Variants in MAP3K7 observed in about 807,000 individuals in gnomAD.
MAP3K7 encodes the protein TGF-beta activated kinase 1.
MAP3K7 carries 21 observed loss-of-function variants against 84.8 expected under a neutral mutation model. The ratio of observed to expected loss-of-function variants is 0.25; its 90% CI spans 0.18 to 0.36. The LOEUF (loss-of-function observed/expected upper bound fraction) is 0.36. Among genes scored for constraint, MAP3K7 ranks in the 10% least tolerant of loss-of-function variants. The probability of loss-of-function intolerance (pLI) is 1.00; values close to 1 mark genes in which losing one functional copy is unlikely to be tolerated. For synonymous variants in MAP3K7, 241 were observed against 247.7 expected, an observed-to-expected ratio of 0.97 and a Z score of 0.25; for missense variants, 503 against 747.7, an observed-to-expected ratio of 0.67 and a Z score of 3.82.
At chr6:90,561,713 T>C in intron 3 of MAP3K7, 46 bp from the exon 4 acceptor site, 2 of 1,315,766 alleles carry the variant, frequency 1.5e-6, no homozygotes, top group Middle Eastern at 1.9e-4. Context: ...AGCTCCATCA[T>C]CTTAGGGCCT....
intron 6 of MAP3K7, among the ~76,000 whole-genome samples, chr6:90,553,979 C>T (rs2080157201): frequency 6.6e-6 from 1 of 152,166 alleles, no homozygotes; most frequent in Non-Finnish European, 1.5e-5. Context: ...ACACTCTCAT[C>T]CAGGCTGGAG....
At chr6:90,580,857 T>C (rs1373016680) in intron 1 of MAP3K7, among the ~76,000 whole-genome samples, 1 of 152,260 alleles carries the variant, frequency 6.6e-6, no homozygotes, top group Non-Finnish European at 1.5e-5. Flanking sequence ...TCTAAATTTA[T>C]GAATGTTTTC....
At chr6:90,538,271 G>GT (rs1039448554) in intron 12 of MAP3K7, among the ~76,000 whole-genome samples, 1 of 151,904 alleles carries the variant, frequency 6.6e-6, no homozygotes, top group African/African-American at 2.4e-5. Flanking sequence ...AAATATGAAT[G>GT]TAAGAAAAAT....
chr6:90,547,183 T>C (rs1776027971), intron 11 of MAP3K7, 75 bp downstream of exon 11: 5 of 1,545,526 alleles, frequency 3.2e-6, no homozygotes, highest in Non-Finnish European at 4.4e-6. Flanking sequence ...ACAAAAAACC[T>C]TTGACAACTG....
rs745452796 is a variant in MAP3K7 at position 90,586,848 on chromosome 6, CGAG to C, written c.33_35del (p.Ser14del). 744 of 1,576,870 alleles carry C rather than the reference CGAG, an allele frequency of 4.7e-4. No homozygotes were observed. Among genetic ancestry groups the C allele is most frequent in the Admixed American group, 2.2e-3 (128 of 57,814 alleles). Reference sequence around the variant, plus strand: ...CTTCGATCATCTCACCGGCCGAAGACGAGGAGGAGGAGGAGGCGGCAGAGGCTG... The same window carrying C: ...CTTCGATCATCTCACCGGCCGAAGACGAGGAGGAGGAGGCGGCAGAGGCTG... On this transcript the variant is annotated inframe_deletion, in exon 1 of 17. Transcript: ENST00000369329.
chr6:90,553,522 C>T lies in MAP3K7; in HGVS notation c.672G>A (p.Thr224=), dbSNP rs545383999. ...SWGIILWEVI[T]RRKPFDEIGG... ...CAATCTCATCAAAGGGTTTCCGACG[C>T]GTTATCACTTCCCAAAGAATAATAC... The change falls in exon 7 of 17, where the codon ACG becomes ACA. Residue 224 remains threonine, a synonymous_variant. Transcript: ENST00000369329. 101 of 1,613,754 alleles carry T rather than the reference C, an allele frequency of 6.3e-5. No individual in the cohort carries two copies. The highest frequency in any genetic ancestry group is 1.1e-4 in the South Asian group (10 of 91,068).
chr6:90,533,471 A>AG (rs1444013100), intron 13 of MAP3K7, among the ~76,000 whole-genome samples: 1 of 152,154 alleles, frequency 6.6e-6, no homozygotes, highest in Non-Finnish European at 1.5e-5. Flanking sequence ...CAAAGGAAGG[A>AG]GGGGTTCGTT....
intron 1 of MAP3K7, among the ~76,000 whole-genome samples, chr6:90,584,866 T>TA (rs1264898811): frequency 6.6e-6 from 1 of 152,110 alleles, no homozygotes; most frequent in East Asian, 1.9e-4. Context: ...TTTTTATTCT[T>TA]AAAAAAGAAT....
chr6:90,572,774 G>A (rs1323390558), intron 1 of MAP3K7, among the ~76,000 whole-genome samples: 1 of 151,948 alleles, frequency 6.6e-6, no homozygotes, highest in Non-Finnish European at 1.5e-5. Context: ...TACTGCATGG[G>A]TTCATTGCTC....
At chr6:90,538,721 C>T (rs1317358388) in intron 12 of MAP3K7, among the ~76,000 whole-genome samples, 2 of 151,848 alleles carry the variant, frequency 1.3e-5, no homozygotes, top group South Asian at 2.1e-4. Flanking sequence ...AACAGAGCCC[C>T]TCTTCAAAAA....
intron 1 of MAP3K7, among the ~76,000 whole-genome samples, chr6:90,581,248 T>A (rs1562113740): frequency 6.6e-6 from 1 of 152,238 alleles, no homozygotes; most frequent in Non-Finnish European, 1.5e-5. Flanking sequence ...TATTATTAAA[T>A]AATTCTTTTA....
At chr6:90,559,999 T>TA in intron 5 of MAP3K7, 77 bp downstream of exon 5, 1 of 1,535,700 alleles carries the variant, frequency 6.5e-7, no homozygotes, top group Non-Finnish European at 9.0e-7. Context: ...GAGCTTGAAT[T>TA]AGAGAGTGGG....
At chr6:90,565,741 C>T (rs1056060028) in intron 3 of MAP3K7, among the ~76,000 whole-genome samples, 4 of 152,160 alleles carry the variant, frequency 2.6e-5, no homozygotes, top group Non-Finnish European at 5.9e-5. Flanking sequence ...GATACCAAAG[C>T]CTGGCATAAA....
intron 1 of MAP3K7, among the ~76,000 whole-genome samples, chr6:90,586,282 G>A (rs1424339500): frequency 6.8e-6 from 1 of 147,674 alleles, no homozygotes; most frequent in Non-Finnish European, 1.5e-5. Context: ...TGAGGCAGGA[G>A]AATGGCGTGA....
intron 15 of MAP3K7, 26 bp downstream of exon 15, chr6:90,519,232 C>T: frequency 1.9e-6 from 3 of 1,539,542 alleles, no homozygotes; most frequent in East Asian, 2.3e-5. Context: ...AAAAAGTCAA[C>T]TTTCAATAAG....
chr6:90,544,979 C>T (rs995737933), intron 11 of MAP3K7, among the ~76,000 whole-genome samples: 11 of 151,690 alleles, frequency 7.3e-5, no homozygotes, highest in African/African-American at 2.4e-4. Context: ...GGTGGGGGAA[C>T]GAAGGAGGAG....
intron 3 of MAP3K7, among the ~76,000 whole-genome samples, chr6:90,562,267 G>C (rs999170538): frequency 2.6e-5 from 4 of 152,176 alleles, no homozygotes; most frequent in Non-Finnish European, 5.9e-5. Context: ...AGTCGAAGCA[G>C]GGCAGGGCGT....
At chr6:90,574,254 G>A (rs1182178038) in intron 1 of MAP3K7, among the ~76,000 whole-genome samples, 1 of 152,164 alleles carries the variant, frequency 6.6e-6, no homozygotes, top group East Asian at 1.9e-4. Flanking sequence ...GTAAAGGGCT[G>A]TAGTACTCAT....
intron 12 of MAP3K7, among the ~76,000 whole-genome samples, chr6:90,543,957 T>A (rs1306500253): frequency 1.3e-5 from 2 of 152,140 alleles, no homozygotes; most frequent in African/African-American, 2.4e-5. Flanking sequence ...ATTCTCCTGA[T>A]AATACACAAA....
Sources: allele counts gnomAD v4.1 joint callset (sites outside exome capture counted in the v4.1 genomes callset), GRCh38; gene constraint gnomAD v4.1.1; transcripts MANE v1.5; gene names NCBI Gene and HGNC (gene_info 2026-07-23, HGNC 2026-07-21).